Variants in TAFA2 observed in about 807,000 individuals in gnomAD.
TAFA2 encodes the protein chemokine-like protein TAFA-2.
TAFA2 carries 7 observed loss-of-function variants against 18.8 expected under a neutral mutation model. The observed-to-expected ratio is 0.37, with a 90% CI of 0.21 to 0.70. The LOEUF is 0.70. TAFA2 is among the 30% of genes least tolerant of loss of function. The pLI is 0.53. For missense variants in TAFA2, 122 were observed against 158.1 expected, an observed-to-expected ratio of 0.77 and a Z score of 1.23; for synonymous variants, 60 against 54.2, an observed-to-expected ratio of 1.11 and a Z score of -0.47.
intron 4 of TAFA2, among the ~76,000 whole-genome samples, chr12:61,741,845 T>C (rs766652079): frequency 1.3e-5 from 2 of 152,166 alleles, no homozygotes; most frequent in Admixed American, 6.5e-5. Context: ...AGTGAATGAA[T>C]GAATGAACAG....
rs373975773 is a variant in TAFA2 at position 62,184,502 on chromosome 12, C to T, written c.-2+6757G>A. 5.9e-3 allele frequency among the ~76,000 whole-genome samples: 624 copies of T among 105,682 alleles called. 18 individuals are homozygous for T. Among genetic ancestry groups the T allele is most frequent in the Middle Eastern group, 0.039 (5 of 128 alleles). The allele number at this position is 105,682 out of a possible 152,430, so 69.3% of individuals were successfully genotyped here. ...CTGAACACACGGGAAAAAAAAAATT[C>T]TTTTTTTTTTGAGGCATAGTCTCAC... On this transcript the variant is annotated intron_variant, in intron 1 of 4. Coordinates refer to ENST00000416284, the MANE Select transcript of TAFA2 (RefSeq NM_178539.5).
At chr12:61,965,937 T>C (rs1406551832) in intron 1 of TAFA2, among the ~76,000 whole-genome samples, 1 of 151,754 alleles carries the variant, frequency 6.6e-6, no homozygotes, top group Non-Finnish European at 1.5e-5. Flanking sequence ...TAGAAATTTC[T>C]GAAAAAAAAA....
intron 2 of TAFA2, among the ~76,000 whole-genome samples, chr12:61,765,918 T>C (rs1372274030): frequency 1.3e-5 from 2 of 152,072 alleles, no homozygotes; most frequent in East Asian, 1.9e-4. Context: ...GATAGCTAAC[T>C]AGAACTCACT....
chr12:62,006,489 C>A (rs1880555014), intron 1 of TAFA2, among the ~76,000 whole-genome samples: 1 of 152,042 alleles, frequency 6.6e-6, no homozygotes. Context: ...ATCATATACA[C>A]TTAAAATGGG....
At chr12:61,982,330 C>T (rs894096399) in intron 1 of TAFA2, among the ~76,000 whole-genome samples, 2 of 151,988 alleles carry the variant, frequency 1.3e-5, no homozygotes, top group African/African-American at 2.4e-5. Flanking sequence ...AGGAGAAATA[C>T]CTAATGTAAA....
At chr12:61,761,850 C>A (rs1397304895) in intron 2 of TAFA2, among the ~76,000 whole-genome samples, 1 of 152,058 alleles carries the variant, frequency 6.6e-6, no homozygotes, top group African/African-American at 2.4e-5. Flanking sequence ...GAAATGTAAT[C>A]CCCAATGCTG....
At chr12:61,779,634 C>T (rs1217363822) in intron 2 of TAFA2, among the ~76,000 whole-genome samples, 1 of 151,834 alleles carries the variant, frequency 6.6e-6, no homozygotes, top group Non-Finnish European at 1.5e-5. Flanking sequence ...TCTATGAACT[C>T]TCCTAGTGGG....
At position 62,097,877 on chromosome 12, in the gene TAFA2, G is replaced by A. The variant is rs369930860; in HGVS notation, c.-2+93382C>T. 2.0e-5 allele frequency among the ~76,000 whole-genome samples: 3 copies of A among 152,100 alleles called. No homozygotes were observed. The East Asian group carries it at 5.8e-4, about 29-fold the overall frequency. On this transcript the variant is annotated intron_variant, in intron 1 of 4. Coordinates refer to ENST00000416284, the MANE Select transcript of TAFA2 (RefSeq NM_178539.5). Reference sequence around the variant, plus strand: ...AAAAGTTCCAGCTTTTCTCAGCTGTGTTCAAGATTCCCAGAGGCTGCTTTG... The same window carrying A: ...AAAAGTTCCAGCTTTTCTCAGCTGTATTCAAGATTCCCAGAGGCTGCTTTG...
intron 4 of TAFA2, among the ~76,000 whole-genome samples, chr12:61,727,439 A>T (rs959541187): frequency 6.6e-6 from 1 of 151,728 alleles, no homozygotes; most frequent in Non-Finnish European, 1.5e-5. Context: ...TTTCTGGCTT[A>T]ATCTAGGAGG....
At chr12:62,228,253 T>C (rs1249679795) in intron 1 of TAFA2, among the ~76,000 whole-genome samples, 3 of 152,162 alleles carry the variant, frequency 2.0e-5, no homozygotes, top group African/African-American at 7.2e-5. Context: ...ACGGAATGTT[T>C]AGCTCCCACT....
At chr12:62,027,533 T>C (rs1881340680) in intron 1 of TAFA2, among the ~76,000 whole-genome samples, 1 of 152,126 alleles carries the variant, frequency 6.6e-6, no homozygotes, top group South Asian at 2.1e-4. Flanking sequence ...AAAATTTGTG[T>C]AGCACCTTTC....
intron 1 of TAFA2, among the ~76,000 whole-genome samples, chr12:62,024,860 G>A (rs1042586774): frequency 1.3e-5 from 2 of 152,000 alleles, no homozygotes; most frequent in Non-Finnish European, 2.9e-5. Flanking sequence ...TATGAAAAAT[G>A]CTCAACACCA....
intron 1 of TAFA2, among the ~76,000 whole-genome samples, chr12:61,973,166 G>C (rs1879308352): frequency 6.6e-6 from 1 of 151,514 alleles, no homozygotes; most frequent in African/African-American, 2.4e-5. Flanking sequence ...GGTCACTTGG[G>C]TCTATTTCTT....
chr12:61,733,098 C>T (rs1379614531), intron 4 of TAFA2, among the ~76,000 whole-genome samples: 10 of 152,026 alleles, frequency 6.6e-5, no homozygotes, highest in African/African-American at 1.7e-4. Flanking sequence ...ACATGTCCTT[C>T]GCCCACTTTT....
rs1382537216 is a variant in TAFA2, at chr12:62,192,416, G to A, written c.-1159C>T. On this transcript the variant is annotated 5_prime_UTR_variant, in exon 1 of 5. Coordinates refer to ENST00000416284, the MANE Select transcript of TAFA2 (RefSeq NM_178539.5). ...GGGAGAAAGAAAGGAGCGGGGGGAG[G>A]GGGCCGAGGAAACAAATCCAGATCA... is the stretch of plus-strand genomic sequence containing the variant. 1 of 152,318 alleles carries A rather than the reference G, an allele frequency of 6.6e-6. No homozygotes were observed. Among genetic ancestry groups the A allele is most frequent in the Non-Finnish European group, 1.5e-5 (1 of 68,132 alleles). The allele number at this position is 152,318 out of a possible 1,614,324, so 9.4% of individuals were successfully genotyped here.
rs952155018 is a variant in TAFA2, at chr12:62,011,509, C to T, written c.-1-144083G>A. ...AACTCAGGGTTAAATGGATTAAGGG[C>T]GGTGCAAGATGTGCTTTGTTAAACA... On this transcript the variant is annotated intron_variant, in intron 1 of 4. Transcript: ENST00000416284. 3.3e-5 allele frequency among the ~76,000 whole-genome samples: 5 copies of T among 152,024 alleles called. No individual in the cohort carries two copies. In the South Asian group the frequency reaches 8.3e-4, roughly 25 times the overall value.
intron 1 of TAFA2, among the ~76,000 whole-genome samples, chr12:62,244,118 T>C (rs1423483976): frequency 2.0e-5 from 3 of 151,800 alleles, no homozygotes; most frequent in Non-Finnish European, 4.4e-5. Flanking sequence ...AGGAATGTAT[T>C]GTATGCTCAT....
chr12:62,106,887 CT>C (rs5798632), intron 1 of TAFA2, among the ~76,000 whole-genome samples: 2 of 151,986 alleles, frequency 1.3e-5, no homozygotes, highest in Non-Finnish European at 2.9e-5. Context: ...ATCACCGTAC[CT>C]TTTTTTTATT....
At chr12:62,219,488 C>T (rs907895483) in intron 1 of TAFA2, among the ~76,000 whole-genome samples, 9 of 151,982 alleles carry the variant, frequency 5.9e-5, no homozygotes, top group African/African-American at 2.2e-4. Flanking sequence ...TTTTGTATAC[C>T]AAGGATGAAG....
Sources: gnomAD v4.1 joint callset for allele counts (sites outside exome capture counted in the v4.1 genomes callset) on GRCh38, gnomAD v4.1.1 for gene constraint, MANE v1.5 for transcripts, NCBI Gene and HGNC (gene_info 2026-07-23, HGNC 2026-07-21) for gene names.